The following CNTNAP5 variants were observed in gnomAD, a reference collection of about 807,000 sequenced individuals.
The protein encoded by CNTNAP5 is contactin associated protein family member 5.
In CNTNAP5, 72 loss-of-function variants were observed where a neutral mutation model predicts 150.2. That is an observed-to-expected ratio of 0.48 (90% CI 0.40 to 0.58). The LOEUF is 0.58. Ranked by LOEUF, CNTNAP5 falls within the 20% of genes least tolerant of loss-of-function variation. The pLI, the probability that CNTNAP5 is intolerant of heterozygous loss-of-function variation, is 0.00. For missense variants in CNTNAP5, 1,636 were observed against 1,626.2 expected (o/e 1.01, Z -0.10); for synonymous variants, 672 against 619.8 (o/e 1.08, Z -1.25).
chr2:124,219,089 C>CA (rs1471183358), intron 1 of CNTNAP5, among the ~76,000 whole-genome samples: 1 of 151,516 alleles, frequency 6.6e-6, no homozygotes, highest in African/African-American at 2.4e-5. Flanking sequence ...CGAAGATTAC[C>CA]AAAAAAGAAA....
At chr2:124,290,917 T>TA (rs1688273683) in intron 3 of CNTNAP5, among the ~76,000 whole-genome samples, 2 of 147,504 alleles carry the variant, frequency 1.4e-5, no homozygotes, top group Admixed American at 6.8e-5. Flanking sequence ...TTTATTTATT[T>TA]TAAGCAGGGA....
chr2:124,870,568 G>A (rs1334500297), intron 21 of CNTNAP5, among the ~76,000 whole-genome samples: 3 of 151,974 alleles, frequency 2.0e-5, no homozygotes, highest in Admixed American at 6.6e-5. Context: ...TCTGCTACCC[G>A]ATTTCCTATG....
intron 3 of CNTNAP5, among the ~76,000 whole-genome samples, chr2:124,245,129 T>C (rs1036782942): frequency 1.3e-5 from 2 of 152,202 alleles, no homozygotes; most frequent in African/African-American, 4.8e-5. Context: ...TATGAAGCCC[T>C]ATTGTTTAAT....
At chr2:124,348,269 T>G (rs1045480292) in intron 3 of CNTNAP5, among the ~76,000 whole-genome samples, 4 of 152,200 alleles carry the variant, frequency 2.6e-5, no homozygotes, top group Non-Finnish European at 4.4e-5. Flanking sequence ...AACAGAATTT[T>G]CAAATAGATT....
chr2:124,495,947 C>T (rs1412912500), intron 7 of CNTNAP5, among the ~76,000 whole-genome samples: 1 of 152,054 alleles, frequency 6.6e-6, no homozygotes, highest in African/African-American at 2.4e-5. Flanking sequence ...GTTACATGCT[C>T]TCCCAGCAGA....
chr2:124,425,530 C>A (rs531400837), intron 4 of CNTNAP5, among the ~76,000 whole-genome samples: 5 of 152,156 alleles, frequency 3.3e-5, no homozygotes, highest in South Asian at 2.1e-4. Context: ...CATAGTGAAA[C>A]CTTTTGCTAA....
intron 13 of CNTNAP5, among the ~76,000 whole-genome samples, chr2:124,724,925 T>A (rs1411144024): frequency 2.8e-5 from 4 of 140,442 alleles, no homozygotes; most frequent in Non-Finnish European, 4.6e-5. Context: ...TCCCTTAGCT[T>A]TTTTTTTTTT....
chr2:124,321,102 C>T (rs773371341), intron 3 of CNTNAP5, among the ~76,000 whole-genome samples: 1 of 152,082 alleles, frequency 6.6e-6, no homozygotes, highest in East Asian at 1.9e-4. Context: ...AACAAGCTTA[C>T]CCCATTGTAA....
At chr2:124,699,851 A>C (rs1679483617) in intron 13 of CNTNAP5, among the ~76,000 whole-genome samples, 1 of 150,538 alleles carries the variant, frequency 6.6e-6, no homozygotes, top group South Asian at 2.1e-4. Context: ...TTCTCTTCTT[A>C]GATATAATTC....
At position 124,643,058 on chromosome 2, in the gene CNTNAP5, C is replaced by T. The variant is rs772133523; in HGVS notation, c.1877-4700C>T. ...GATCATTGACACTCATGCCAACCCA[C>T]TGTGCTGAATGCAACTTTAAAAAAG... On this transcript the variant is annotated intron_variant, in intron 12 of 23. Coordinates refer to ENST00000682447, the MANE Select transcript of CNTNAP5 (RefSeq NM_001367498.1). Among the ~76,000 whole-genome samples, 7 of 152,214 alleles carry T rather than the reference C, an allele frequency of 4.6e-5. 1 individual carries two copies. The highest frequency in any genetic ancestry group is 2.0e-4 in the Admixed American group (3 of 15,282).
chr2:124,058,870 C>A (rs1681927842), intron 1 of CNTNAP5, among the ~76,000 whole-genome samples: 1 of 152,154 alleles, frequency 6.6e-6, no homozygotes, highest in Admixed American at 6.5e-5. Context: ...TGAGCAAGTG[C>A]TTTTTCAAGT....
chr2:124,886,744 A>C lies in CNTNAP5; in HGVS notation c.3437-16138A>C, dbSNP rs2104743713. 2.0e-5 allele frequency among the ~76,000 whole-genome samples: 3 copies of C among 152,120 alleles called. 1 individual carries two copies. The highest frequency in any genetic ancestry group is 4.4e-5 in the Non-Finnish European group (3 of 67,988). On this transcript the variant is annotated intron_variant, in intron 21 of 23. Transcript: ENST00000682447. ...AACACAAGTGTGAATATCTTATGAT[A>C]TTTTATACTTTTATCCTGTGGAATT...
At chr2:124,827,687 C>T (rs1682627249) in intron 19 of CNTNAP5, among the ~76,000 whole-genome samples, 2 of 152,072 alleles carry the variant, frequency 1.3e-5, no homozygotes, top group East Asian at 1.9e-4. Flanking sequence ...GTGTTTGTTT[C>T]GTATAATACA....
chr2:124,669,257 T>C (rs1325195649), intron 13 of CNTNAP5, among the ~76,000 whole-genome samples: 1 of 152,238 alleles, frequency 6.6e-6, no homozygotes, highest in African/African-American at 2.4e-5. Context: ...GTTATTCATA[T>C]CCTTTCTTAT....
At chr2:124,302,117 C>T (rs1364627812) in intron 3 of CNTNAP5, among the ~76,000 whole-genome samples, 1 of 152,124 alleles carries the variant, frequency 6.6e-6, no homozygotes, top group Non-Finnish European at 1.5e-5. Context: ...GCAACAGAAA[C>T]TAAAACAGCT....
At chr2:124,207,926 A>T (rs1281215939) in intron 1 of CNTNAP5, among the ~76,000 whole-genome samples, 1 of 152,186 alleles carries the variant, frequency 6.6e-6, no homozygotes, top group Non-Finnish European at 1.5e-5. Context: ...TGTCCATATA[A>T]CATTTATAGC....
intron 17 of CNTNAP5, among the ~76,000 whole-genome samples, chr2:124,789,438 C>T (rs144125731): frequency 6.0e-4 from 91 of 152,186 alleles, no homozygotes; most frequent in African/African-American, 2.1e-3. Context: ...GCTAGATTTG[C>T]AGGTTTATTA....
chr2:124,448,101 T>C (rs1037447445), intron 6 of CNTNAP5, among the ~76,000 whole-genome samples: 1 of 151,816 alleles, frequency 6.6e-6, no homozygotes. Context: ...ACCCCGTCAC[T>C]ACTAAAAACA....
chr2:124,732,689 A>C (rs1454058417), intron 13 of CNTNAP5, among the ~76,000 whole-genome samples: 1 of 152,194 alleles, frequency 6.6e-6, no homozygotes, highest in Non-Finnish European at 1.5e-5. Flanking sequence ...ACCAAAATGC[A>C]TACCAAATTT....
Sources: gnomAD v4.1 joint callset for allele counts (sites outside exome capture counted in the v4.1 genomes callset) on GRCh38, gnomAD v4.1.1 for gene constraint, MANE v1.5 for transcripts, NCBI Gene and HGNC (gene_info 2026-07-23, HGNC 2026-07-21) for gene names.